PCDHGA8: variants seen among roughly 807,000 people sequenced by gnomAD.
The protein encoded by PCDHGA8 is protocadherin gamma-A8.
In PCDHGA8, 45 loss-of-function variants were observed where a neutral mutation model predicts 59.2. The ratio of observed to expected loss-of-function variants is 0.76; its 90% CI spans 0.60 to 0.98. The LOEUF (loss-of-function observed/expected upper bound fraction) is 0.98. PCDHGA8 is among the 50% of genes least tolerant of loss of function. The probability of loss-of-function intolerance (pLI) is 0.00; values close to 1 mark genes in which losing one functional copy is unlikely to be tolerated. For missense variants in PCDHGA8, 1,257 were observed against 1,196.2 expected (o/e 1.05, Z -0.75); for synonymous variants, 531 against 519.0 (o/e 1.02, Z -0.32).
chr5:141,485,421 C>G lies in PCDHGA8; in HGVS notation c.2425-9386C>G. The G allele has an allele frequency of 6.2e-7, 1 of 1,614,112 alleles. No individual in the cohort carries two copies. The highest frequency in any genetic ancestry group is 1.1e-5 in the South Asian group (1 of 91,080). ...TTCCGTGTGGATTTGGACAGCGGAG[C>G]CCTGCTCATCAAGAACCCAATCGAC... On this transcript the variant is annotated intron_variant, in intron 1 of 3. Transcript: ENST00000398604. This position sits in a 1 kb window ranked among gnomAD's most constrained non-coding sequence, Gnocchi z 5.7.
intron 1 of PCDHGA8, chr5:141,414,606 A>C: frequency 6.2e-7 from 1 of 1,613,944 alleles, no homozygotes; most frequent in Non-Finnish European, 8.5e-7. Flanking sequence ...CCATCTTCTC[A>C]GTGACAGCGC....
chr5:141,410,161 A>C (rs2095363664), intron 1 of PCDHGA8: 1 of 1,613,220 alleles, frequency 6.2e-7, no homozygotes, highest in African/African-American at 1.3e-5. Context: ...GACAGCCGCC[A>C]CTCTCTGCCA....
rs755270981 is a variant in PCDHGA8, at chr5:141,408,462, AGAACC to A, written c.2424+13229_2424+13233del. On this transcript the variant is annotated intron_variant, in intron 1 of 3. Coordinates refer to ENST00000398604, the MANE Select transcript of PCDHGA8 (RefSeq NM_032088.2). Reference sequence around the variant, plus strand: ...GCGGAGAGCGGGGACTTACTTGTGAAGAACCGAATAGACCGTGAGCAAATATGCAA... The same window carrying A: ...GCGGAGAGCGGGGACTTACTTGTGAAGAATAGACCGTGAGCAAATATGCAA... 2.2e-5 allele frequency: 35 copies of A among 1,613,962 alleles called. No homozygotes were observed. The South Asian group carries it at 3.3e-4, about 15-fold the overall frequency.
Position 141,485,625 on chromosome 5 carries a change from G to T in PCDHGA8, c.2425-9182G>T. 6.2e-7 allele frequency: 1 copy of T among 1,611,968 alleles called. No individual in the cohort carries two copies. On this transcript the variant is annotated intron_variant, in intron 1 of 3. Transcript: ENST00000398604. This position sits in a 1 kb window ranked among gnomAD's most constrained non-coding sequence, Gnocchi z 5.7. ...GGGGAGGCAGCTCCTCCAGGACAGC[G>T]TTTCCCGTTGGAAAAGGCTCAGGAT...
At chr5:141,454,789 G>T (rs1368681394) in intron 1 of PCDHGA8, among the ~76,000 whole-genome samples, 1 of 129,576 alleles carries the variant, frequency 7.7e-6, no homozygotes, top group African/African-American at 3.1e-5. Flanking sequence ...AATCCTCCAT[G>T]GTTCTAATTT....
At position 141,394,096 on chromosome 5, in the gene PCDHGA8, G is replaced by C; in HGVS notation, c.1283G>C (p.Gly428Ala). Residue 428 changes from glycine (G) to alanine (A), a missense_variant, in exon 1 of 4, where the codon GGA becomes GCA. By Grantham distance (60) the Gly-to-Ala change is moderately conservative (BLOSUM62 0). Transcript: ENST00000398604. ...ATCACAGTGATGGCCTCAGATCTAGGAACACCACCTCTGTCCACTGAAACT... is the reference window on the plus strand; with the variant it reads ...ATCACAGTGATGGCCTCAGATCTAGCAACACCACCTCTGTCCACTGAAACT... ...YNITVMASDL[G>A]TPPLSTETQI... is the part of the protein sequence containing the mutation. The C allele has an allele frequency of 6.2e-7, 1 of 1,613,822 alleles. No individual in the cohort carries two copies. Among genetic ancestry groups the C allele is most frequent in the African/African-American group, 1.3e-5 (1 of 75,024 alleles).
chr5:141,405,435 T>C, intron 1 of PCDHGA8: 1 of 1,463,324 alleles, frequency 6.8e-7, no homozygotes, highest in Non-Finnish European at 9.3e-7. Context: ...TTGTTTTGTT[T>C]TTGAGACAGA....
chr5:141,486,371 G>T lies in PCDHGA8; in HGVS notation c.2425-8436G>T. 1.9e-6 allele frequency: 3 copies of T among 1,614,138 alleles called. No homozygotes were observed. The highest frequency in any genetic ancestry group is 2.5e-6 in the Non-Finnish European group (3 of 1,180,010). On this transcript the variant is annotated intron_variant, in intron 1 of 3. Coordinates refer to ENST00000398604, the MANE Select transcript of PCDHGA8 (RefSeq NM_032088.2). The surrounding 1 kb of genome is among the most constrained non-coding windows in gnomAD (Gnocchi z 5.0). ...CCACTTGCCATTTGCCCTCAAGTCT[G>T]CCTTCAGGAACCAGTTCTCCCTGGT...
chr5:141,420,415 TAAAAC>T, intron 1 of PCDHGA8: 1 of 1,217,298 alleles, frequency 8.2e-7, no homozygotes, highest in Non-Finnish European at 1.1e-6. Flanking sequence ...TTATCATTAT[TAAAAC>T]AAAAGTTTAA....
Position 141,392,962 on chromosome 5 carries a change from A to G in PCDHGA8, c.149A>G (p.Lys50Arg). 1 of 1,613,902 alleles carries G rather than the reference A, an allele frequency of 6.2e-7. No individual in the cohort carries two copies. Among genetic ancestry groups the G allele is most frequent in the Admixed American group, 1.7e-5 (1 of 60,026 alleles). Reference protein sequence around the residue: ...DKGSFVGNISKDLGLDPRKLA... With the variant: ...DKGSFVGNISRDLGLDPRKLA... ...GGCTCCTTCGTGGGTAATATCTCCA[A>G]GGACCTGGGGCTGGACCCCCGGAAG... The change falls in exon 1 of 4, where the codon AAG (lysine) becomes AGG (arginine). Residue 50 changes from lysine (K) to arginine (R), a missense_variant. Physicochemically the swap from Lys to Arg is conservative, Grantham distance 26. Coordinates refer to ENST00000398604, the MANE Select transcript of PCDHGA8 (RefSeq NM_032088.2).
chr5:141,415,967 C>A, intron 1 of PCDHGA8: 1 of 389,100 alleles, frequency 2.6e-6, no homozygotes, highest in Non-Finnish European at 4.2e-6. Context: ...AACTCCAGCC[C>A]CTTAAGCAAC....
At chr5:141,415,304 C>T (rs1468756434) in intron 1 of PCDHGA8, 2 of 1,614,188 alleles carry the variant, frequency 1.2e-6, no homozygotes, top group Non-Finnish European at 8.5e-7. Context: ...GTCTTCCTGG[C>T]CTTCGTCATC....
At chr5:141,418,872 T>C (rs1351483025) in intron 1 of PCDHGA8, 11 of 1,613,996 alleles carry the variant, frequency 6.8e-6, no homozygotes, top group East Asian at 2.2e-5. Context: ...GTAGAAGTTG[T>C]AGACGAAAAC....
At chr5:141,408,070 T>C (rs1413400462) in intron 1 of PCDHGA8, 3 of 1,381,930 alleles carry the variant, frequency 2.2e-6, no homozygotes, top group Non-Finnish European at 2.9e-6. Context: ...TGCGCAGACC[T>C]TTCCCAGCAC....
At chr5:141,403,803 T>C (rs1323082699) in intron 1 of PCDHGA8, 5 of 1,613,668 alleles carry the variant, frequency 3.1e-6, no homozygotes. Context: ...TTCTGGAAAA[T>C]TAATGAAAAA....
At chr5:141,406,436 T>C (rs1207276044) in intron 1 of PCDHGA8, among the ~76,000 whole-genome samples, 3 of 152,234 alleles carry the variant, frequency 2.0e-5, no homozygotes, top group Non-Finnish European at 4.4e-5. Context: ...TTGCTTCTAT[T>C]CTTCCATTTC....
chr5:141,393,858 A>C lies in PCDHGA8; in HGVS notation c.1045A>C (p.Ile349Leu), dbSNP rs777304987. 5 of 1,613,912 alleles carry C rather than the reference A, an allele frequency of 3.1e-6. No homozygotes were observed. The South Asian group carries it at 3.3e-5, about 11-fold the overall frequency. Reference sequence around the variant, plus strand: ...AAATGACAATAGACCAGAAGTGATCATTACGTCTTTGTTTAGCCCAGTGTT... The same window carrying C: ...AAATGACAATAGACCAGAAGTGATCCTTACGTCTTTGTTTAGCCCAGTGTT... ...DVNDNRPEVIITSLFSPVLEN... is the reference protein window; with the variant it reads ...DVNDNRPEVILTSLFSPVLEN... The change falls in exon 1 of 4, where the codon ATT becomes CTT. Residue 349 changes from isoleucine (I) to leucine (L), a missense_variant. Coordinates refer to ENST00000398604, the MANE Select transcript of PCDHGA8 (RefSeq NM_032088.2).
At chr5:141,445,558 G>A (rs1172697298) in intron 1 of PCDHGA8, among the ~76,000 whole-genome samples, 1 of 152,172 alleles carries the variant, frequency 6.6e-6, no homozygotes, top group Non-Finnish European at 1.5e-5. Flanking sequence ...AAAGCACTAA[G>A]AGAAAGCTTA....
chr5:141,501,290 T>TACACACAC (rs55762287), intron 2 of PCDHGA8, among the ~76,000 whole-genome samples: 94 of 136,244 alleles, frequency 6.9e-4, no homozygotes, highest in Admixed American at 2.2e-3. Context: ...TATTCCCTTA[T>TACACACAC]ACACACACAC....
Sources: allele counts gnomAD v4.1 joint callset (sites outside exome capture counted in the v4.1 genomes callset), GRCh38; gene constraint gnomAD v4.1.1; non-coding constraint Gnocchi (gnomAD v3.1); transcripts MANE v1.5; gene names NCBI Gene and HGNC (gene_info 2026-07-23, HGNC 2026-07-21).